Variants in ZBTB20 observed in about 807,000 individuals in gnomAD.
ZBTB20 encodes zinc finger and BTB domain-containing protein 20.
In ZBTB20, 9 loss-of-function variants were observed where a neutral mutation model predicts 56.9. That is an observed-to-expected ratio of 0.16 (90% CI 0.10 to 0.28). ZBTB20 has a LOEUF of 0.28. Ranked by LOEUF, ZBTB20 falls within the 10% of genes least tolerant of loss-of-function variation. The probability of loss-of-function intolerance (pLI) is 1.00; values close to 1 mark genes in which losing one functional copy is unlikely to be tolerated. For synonymous variants in ZBTB20, 417 were observed against 420.7 expected, an observed-to-expected ratio of 0.99 and a Z score of 0.11; for missense variants, 655 against 1,003.0, an observed-to-expected ratio of 0.65 and a Z score of 4.69.
intron 6 of ZBTB20, among the ~76,000 whole-genome samples, chr3:114,621,139 C>A (rs967268309): frequency 3.3e-5 from 5 of 152,024 alleles, no homozygotes; most frequent in African/African-American, 7.2e-5. Flanking sequence ...ATATATATAG[C>A]AATTAATATT....
At chr3:114,441,569 T>TC (rs1277352664) in intron 7 of ZBTB20, among the ~76,000 whole-genome samples, 1 of 152,086 alleles carries the variant, frequency 6.6e-6, no homozygotes, top group Non-Finnish European at 1.5e-5. Flanking sequence ...AAGCACCTCA[T>TC]CTGCAGTTGC....
At chr3:114,409,321 C>G (rs905812233) in intron 7 of ZBTB20, among the ~76,000 whole-genome samples, 3 of 151,918 alleles carry the variant, frequency 2.0e-5, no homozygotes, top group Admixed American at 6.6e-5. Context: ...GGAAAGCAAG[C>G]AGGCACGATT....
intron 7 of ZBTB20, among the ~76,000 whole-genome samples, chr3:114,481,907 T>C (rs2041600375): frequency 2.0e-5 from 3 of 152,220 alleles, no homozygotes; most frequent in Non-Finnish European, 4.4e-5. Context: ...GGGGGAAATC[T>C]CTGGCCTATG....
intron 7 of ZBTB20, among the ~76,000 whole-genome samples, chr3:114,472,693 A>T (rs944411666): frequency 5.1e-5 from 7 of 136,182 alleles, no homozygotes; most frequent in African/African-American, 2.0e-4. Flanking sequence ...GGACAACAAG[A>T]GCGAAACTCC....
chr3:114,946,772 C>G (rs2076900425), intron 3 of ZBTB20, among the ~76,000 whole-genome samples: 1 of 145,250 alleles, frequency 6.9e-6, no homozygotes, highest in Non-Finnish European at 1.5e-5. Context: ...TAATAAGACA[C>G]CAAAAGCACA....
chr3:114,771,550 C>T (rs1318313337), intron 5 of ZBTB20, among the ~76,000 whole-genome samples: 1 of 152,100 alleles, frequency 6.6e-6, no homozygotes, highest in African/African-American at 2.4e-5. Context: ...TATGAAAATA[C>T]ACAAGATGGC....
At chr3:114,808,523 TTCTC>T (rs1335770590) in intron 4 of ZBTB20, among the ~76,000 whole-genome samples, 2 of 152,000 alleles carry the variant, frequency 1.3e-5, no homozygotes, top group Non-Finnish European at 2.9e-5. Flanking sequence ...TGGTGATACC[TTCTC>T]TCTGATTCCT....
intron 6 of ZBTB20, among the ~76,000 whole-genome samples, chr3:114,514,110 C>T (rs2045712793): frequency 6.6e-6 from 1 of 152,030 alleles, no homozygotes; most frequent in South Asian, 2.1e-4. Context: ...TCCAAACCAG[C>T]TTGTTTTTAG....
chr3:114,624,548 T>A (rs1365483220), intron 6 of ZBTB20, among the ~76,000 whole-genome samples: 3 of 152,184 alleles, frequency 2.0e-5, no homozygotes, highest in African/African-American at 7.2e-5. Flanking sequence ...CCTTGAATTC[T>A]GTTGGGAAGT....
chr3:115,121,019 A>G (rs555256410), intron 1 of ZBTB20, among the ~76,000 whole-genome samples: 1 of 152,184 alleles, frequency 6.6e-6, no homozygotes, highest in Admixed American at 6.5e-5. Context: ...AGCCTTCCCT[A>G]TTTGGTAGTT....
At chr3:114,568,016 C>G (rs940102370) in intron 6 of ZBTB20, among the ~76,000 whole-genome samples, 1 of 152,202 alleles carries the variant, frequency 6.6e-6, no homozygotes, top group Admixed American at 6.5e-5. Flanking sequence ...GCAGCATGTG[C>G]AGCAGTGTTA....
chr3:114,405,009 T>A (rs548174705), intron 7 of ZBTB20, among the ~76,000 whole-genome samples: 1 of 151,966 alleles, frequency 6.6e-6, no homozygotes, highest in South Asian at 2.1e-4. Context: ...ATAACTGGAG[T>A]CACTGAAACC....
At chr3:115,143,281 T>C (rs1420045897) in intron 1 of ZBTB20, among the ~76,000 whole-genome samples, 1 of 152,216 alleles carries the variant, frequency 6.6e-6, no homozygotes, top group African/African-American at 2.4e-5. Flanking sequence ...TTTGAAAAAA[T>C]GGTTTAAATA....
At chr3:114,744,102 T>A (rs940490564) in intron 5 of ZBTB20, among the ~76,000 whole-genome samples, 1 of 152,154 alleles carries the variant, frequency 6.6e-6, no homozygotes, top group Non-Finnish European at 1.5e-5. Flanking sequence ...CAATGAACCT[T>A]TTAATAAACA....
intron 3 of ZBTB20, among the ~76,000 whole-genome samples, chr3:114,944,309 C>G (rs1352986425): frequency 6.9e-6 from 1 of 145,476 alleles, no homozygotes; most frequent in Non-Finnish European, 1.5e-5. Flanking sequence ...GAAAGGCTAC[C>G]TTCAAAAAGT....
chr3:114,459,194 C>T (rs1004462324), intron 7 of ZBTB20, among the ~76,000 whole-genome samples: 1 of 152,186 alleles, frequency 6.6e-6, no homozygotes, highest in South Asian at 2.1e-4. Context: ...TTTCAAGCAC[C>T]TTTTTTTCTG....
chr3:114,990,672 G>A (rs375989032), intron 2 of ZBTB20, among the ~76,000 whole-genome samples: 1 of 152,050 alleles, frequency 6.6e-6, no homozygotes, highest in African/African-American at 2.4e-5. Context: ...ATAGTTTCAG[G>A]AGGAATGGTA....
At chr3:114,647,022 G>A (rs574729171) in intron 6 of ZBTB20, among the ~76,000 whole-genome samples, 169 of 151,844 alleles carry the variant, frequency 1.1e-3, no homozygotes, top group African/African-American at 3.6e-3. Context: ...GCAGTGGCGC[G>A]ATCTTGGCTA....
At chr3:114,592,867 T>C (rs773201332) in intron 6 of ZBTB20, among the ~76,000 whole-genome samples, 1 of 152,196 alleles carries the variant, frequency 6.6e-6, no homozygotes, top group East Asian at 1.9e-4. Flanking sequence ...TGTCTATTCT[T>C]ATACATTCAC....
Sources: gnomAD v4.1 joint callset for allele counts (sites outside exome capture counted in the v4.1 genomes callset) on GRCh38, gnomAD v4.1.1 for gene constraint, MANE v1.5 for transcripts, NCBI Gene and HGNC (gene_info 2026-07-23, HGNC 2026-07-21) for gene names.